CACUL1: variants seen among roughly 807,000 people sequenced by gnomAD.
CACUL1 encodes CDK2 associated cullin domain 1.
A neutral mutation model predicts 45.2 loss-of-function variants in CACUL1; 13 were observed. That is an observed-to-expected ratio of 0.29 (90% CI 0.19 to 0.46). The LOEUF is 0.46. Ranked by LOEUF, CACUL1 falls within the 20% of genes least tolerant of loss-of-function variation. The pLI, the probability that CACUL1 is intolerant of heterozygous loss-of-function variation, is 1.00. For missense variants in CACUL1, 421 were observed against 471.4 expected (o/e 0.89, Z 0.99); for synonymous variants, 197 against 174.2 (o/e 1.13, Z -1.03).
chr10:118,729,375 G>T lies in CACUL1; in HGVS notation c.517C>A (p.Gln173Lys). 1 of 1,611,346 alleles carries T rather than the reference G, an allele frequency of 6.2e-7. No homozygotes were observed. Among genetic ancestry groups the T allele is most frequent in the Non-Finnish European group, 8.5e-7 (1 of 1,179,570 alleles). Reference sequence around the variant, plus strand: ...CTATACATCTGTTCCGAGTGCTGCTGGCATACACATTTATACACACAACTG... The same window carrying T: ...CTATACATCTGTTCCGAGTGCTGCTTGCATACACATTTATACACACAACTG... ...IYSCVYKCVC[Q>K]QHSEQMYSDL... Residue 173 changes from glutamine (Q) to lysine (K), a missense_variant, in exon 3 of 9, where the codon CAG becomes AAG. Coordinates refer to ENST00000369151, the MANE Select transcript of CACUL1 (RefSeq NM_153810.5).
At chr10:118,739,120 C>T (rs192504697) in intron 1 of CACUL1, among the ~76,000 whole-genome samples, 1 of 151,096 alleles carries the variant, frequency 6.6e-6, no homozygotes, top group African/African-American at 2.4e-5. Flanking sequence ...GGTGTGAACC[C>T]GGGAGGTGGA....
Position 118,685,441 on chromosome 10 carries a change from T to A in CACUL1, c.*687A>T, listed in dbSNP as rs960718367. On this transcript the variant is annotated 3_prime_UTR_variant, in exon 9 of 9. Transcript: ENST00000369151. ...TCCTGCTACAGGGCCACACCTGCCA[T>A]CTTGGTGGGTGAGTTTAGATACCAT... 4 of 138,644 alleles carry A rather than the reference T, an allele frequency of 2.9e-5. No individual in the cohort carries two copies. Among genetic ancestry groups the A allele is most frequent in the Non-Finnish European group, 4.9e-5 (3 of 61,688 alleles). 8.6% of individuals were successfully genotyped at this position (138,644 alleles called of 1,614,324 possible). A position where few individuals can be genotyped will look rare whatever the true frequency, so the allele number is the denominator to read the frequency against.
At chr10:118,708,818 C>T (rs1299557828) in intron 3 of CACUL1, among the ~76,000 whole-genome samples, 1 of 152,160 alleles carries the variant, frequency 6.6e-6, no homozygotes, top group Non-Finnish European at 1.5e-5. Context: ...GGGCCCTCAC[C>T]AGGAACCGAA....
rs559694058 is a variant in CACUL1 at position 118,735,014 on chromosome 10, C to T, written c.368-4604G>A. On this transcript the variant is annotated intron_variant, in intron 1 of 8. Transcript: ENST00000369151. ...ACTTGACATATTATTTGTTTATTGTCAATCTCCCTCAAACTAGACGTTAAG... is the reference window on the plus strand; with the variant it reads ...ACTTGACATATTATTTGTTTATTGTTAATCTCCCTCAAACTAGACGTTAAG... Among the ~76,000 whole-genome samples the T allele has an allele frequency of 4.9e-4, 75 of 152,312 alleles. 1 individual carries two copies. The highest frequency in any genetic ancestry group is 8.3e-4 in the South Asian group (4 of 4,820).
chr10:118,718,388 A>G (rs1200583956), intron 3 of CACUL1, among the ~76,000 whole-genome samples: 1 of 152,072 alleles, frequency 6.6e-6, no homozygotes, highest in Non-Finnish European at 1.5e-5. Context: ...ACCAGAGATC[A>G]ACAAACTAGA....
chr10:118,684,728 T>A lies in CACUL1; in HGVS notation c.*1400A>T, dbSNP rs1845187608. The A allele has an allele frequency of 6.6e-6, 1 of 152,188 alleles. No homozygotes were observed. Among genetic ancestry groups the A allele is most frequent in the Admixed American group, 6.5e-5 (1 of 15,284 alleles). The allele number at this position is 152,188 out of a possible 1,614,324, so 9.4% of individuals were successfully genotyped here. A position where few individuals can be genotyped will look rare whatever the true frequency, so the allele number is the denominator to read the frequency against. On this transcript the variant is annotated 3_prime_UTR_variant, in exon 9 of 9. Transcript: ENST00000369151. ...AACTGAATTGGCAGAGGCAGCTGTA[T>A]GAAGAACCTGCAGAGCAGACATGCG... is the stretch of plus-strand genomic sequence containing the variant.
chr10:118,747,796 C>T (rs11198588), intron 1 of CACUL1, among the ~76,000 whole-genome samples: 1 of 152,094 alleles, frequency 6.6e-6, no homozygotes, highest in Non-Finnish European at 1.5e-5. Context: ...CAAAGAGACA[C>T]AGGGAAGGCA....
At chr10:118,686,877 A>C in intron 7 of CACUL1, 1 of 506,256 alleles carries the variant, frequency 2.0e-6, no homozygotes. Flanking sequence ...TGAAAGTTCT[A>C]ATTCCACTTT....
In CACUL1 at chr10:118,680,627, T is replaced by C. The variant is rs1354007069; in HGVS notation, c.*5501A>G. 6.6e-6 allele frequency: 1 copy of C among 152,124 alleles called. No homozygotes were observed. The highest frequency in any genetic ancestry group is 1.9e-4 in the East Asian group (1 of 5,202). The allele number at this position is 152,124 out of a possible 1,614,324, so 9.4% of individuals were successfully genotyped here. A position where few individuals can be genotyped will look rare whatever the true frequency, so the allele number is the denominator to read the frequency against. The stretch of plus-strand genomic sequence containing the variant: ...AATAAATGCAAAGAAAAAAACAACC[T>C]AAGTCCAAAAGTTGATTAAAGGTCC... On this transcript the variant is annotated 3_prime_UTR_variant, in exon 9 of 9. Coordinates refer to ENST00000369151, the MANE Select transcript of CACUL1 (RefSeq NM_153810.5).
chr10:118,689,286 G>T (rs368251500), intron 7 of CACUL1, among the ~76,000 whole-genome samples: 2 of 152,196 alleles, frequency 1.3e-5, no homozygotes, highest in East Asian at 3.9e-4. Context: ...TTCCTGGCCA[G>T]TATGAGTAAG....
intron 6 of CACUL1, chr10:118,692,610 C>CT (rs1845282906): frequency 6.6e-6 from 1 of 152,224 alleles, no homozygotes; most frequent in South Asian, 2.1e-4. Flanking sequence ...TCAATTAACA[C>CT]TATTACTCAT....
At chr10:118,712,621 G>GT (rs1209860122) in intron 3 of CACUL1, among the ~76,000 whole-genome samples, 2 of 152,224 alleles carry the variant, frequency 1.3e-5, no homozygotes, top group Non-Finnish European at 2.9e-5. Context: ...GCTGCAGGGA[G>GT]TAGCTCCTTT....
Position 118,686,012 on chromosome 10 carries a change from G to T in CACUL1, c.*116C>A. ...TAAGAAGTCCAACATCCTCTTCCAT[G>T]AACAGCTTTGTGACAGAGCTCCTGA... On this transcript the variant is annotated 3_prime_UTR_variant, in exon 9 of 9. Coordinates refer to ENST00000369151, the MANE Select transcript of CACUL1 (RefSeq NM_153810.5). 2 of 589,148 alleles carry T rather than the reference G, an allele frequency of 3.4e-6. No individual in the cohort carries two copies. The highest frequency in any genetic ancestry group is 6.0e-6 in the Non-Finnish European group (2 of 334,414). The allele number at this position is 589,148 out of a possible 1,614,324, so 36.5% of individuals were successfully genotyped here. A position where few individuals can be genotyped will look rare whatever the true frequency, so the allele number is the denominator to read the frequency against.
In CACUL1 at chr10:118,754,875, G is replaced by A; in HGVS notation, c.-113C>T. ...TACATCGCCGGCGGCAGGAATGGGCGCAGCGGAGAGGGCTGCGGTGCGCAG... is the reference window on the plus strand; with the variant it reads ...TACATCGCCGGCGGCAGGAATGGGCACAGCGGAGAGGGCTGCGGTGCGCAG... On this transcript the variant is annotated 5_prime_UTR_variant, in exon 1 of 9. Transcript: ENST00000369151. 7.1e-7 allele frequency: 1 copy of A among 1,402,380 alleles called. No homozygotes were observed. Among genetic ancestry groups the A allele is most frequent in the Non-Finnish European group, 9.6e-7 (1 of 1,046,688 alleles). The allele number at this position is 1,402,380 out of a possible 1,614,324, so 86.9% of individuals were successfully genotyped here.
chr10:118,747,196 G>A (rs1054904011), intron 1 of CACUL1, among the ~76,000 whole-genome samples: 14 of 152,172 alleles, frequency 9.2e-5, no homozygotes, highest in African/African-American at 2.4e-4. Flanking sequence ...GGTGGGGACC[G>A]ATGCTCTAGA....
At position 118,724,247 on chromosome 10, in the gene CACUL1, A is replaced by G. The variant is rs1845629879; in HGVS notation, c.597+5048T>C. Among the ~76,000 whole-genome samples the G allele has an allele frequency of 2.0e-5, 3 of 152,206 alleles. No individual in the cohort carries two copies. In the South Asian group the frequency reaches 6.2e-4, roughly 31 times the overall value. ...GCTCTATTAAATTTCTCAGCTCATT[A>G]GCCTCCTTTTCCAGAATAAATAGGT... On this transcript the variant is annotated intron_variant, in intron 3 of 8. Transcript: ENST00000369151.
intron 4 of CACUL1, among the ~76,000 whole-genome samples, chr10:118,702,407 T>C (rs1372990211): frequency 6.6e-6 from 1 of 152,160 alleles, no homozygotes; most frequent in Non-Finnish European, 1.5e-5. Flanking sequence ...ATCAAGTCCT[T>C]AGTAATACTA....
chr10:118,691,866 CAAAAAAAAAAAAA>C (rs754241223), intron 6 of CACUL1, among the ~76,000 whole-genome samples: 6 of 95,422 alleles, frequency 6.3e-5, no homozygotes, highest in East Asian at 3.9e-4. Context: ...GACTCCGTCT[CAAAAAAAAAAAAA>C]AAAAAAAAAA....
chr10:118,709,809 T>C (rs1403348775), intron 3 of CACUL1, among the ~76,000 whole-genome samples: 2 of 152,228 alleles, frequency 1.3e-5, no homozygotes, highest in African/African-American at 4.8e-5. Flanking sequence ...AGCTTATATA[T>C]ATGTAAAGAA....
Sources: gnomAD v4.1 joint callset for allele counts (sites outside exome capture counted in the v4.1 genomes callset) on GRCh38, gnomAD v4.1.1 for gene constraint, MANE v1.5 for transcripts, NCBI Gene and HGNC (gene_info 2026-07-23, HGNC 2026-07-21) for gene names.